Variants in DTD1 observed in about 807,000 individuals in gnomAD.
DTD1 encodes the protein D-aminoacyl-tRNA deacylase 1, also known as D-tyrosyl-tRNA deacylase 1 homolog.
A neutral mutation model predicts 25.6 loss-of-function variants in DTD1; 13 were observed. The ratio of observed to expected loss-of-function variants is 0.51; its 90% CI spans 0.33 to 0.81. DTD1 has a LOEUF of 0.81. Ranked by LOEUF, DTD1 falls within the 30% of genes least tolerant of loss-of-function variation. The pLI is 0.02. For synonymous variants in DTD1, 110 were observed against 103.6 expected, an observed-to-expected ratio of 1.06 and a Z score of -0.37; for missense variants, 193 against 266.4, an observed-to-expected ratio of 0.72 and a Z score of 1.92.
intron 1 of DTD1, among the ~76,000 whole-genome samples, chr20:18,591,605 A>T (rs1012084926): frequency 6.6e-6 from 1 of 152,208 alleles, no homozygotes; most frequent in Admixed American, 6.5e-5. Context: ...TTAAAATATT[A>T]AAGTACTTAC....
At chr20:18,702,744 CAAAAA>C (rs10583250) in intron 4 of DTD1, among the ~76,000 whole-genome samples, 25 of 123,098 alleles carry the variant, frequency 2.0e-4, no homozygotes, top group East Asian at 5.1e-4. Context: ...TGGAATGAGG[CAAAAA>C]AAAAAAAAAA....
chr20:18,596,380 C>CAGCAA, intron 3 of DTD1, 139 bp downstream of exon 3: 1 of 688,892 alleles, frequency 1.5e-6, no homozygotes, highest in Non-Finnish European at 2.4e-6. Context: ...CACATACTAG[C>CAGCAA]TGCTGCTATT....
At chr20:18,649,355 T>TC (rs2060864674) in intron 4 of DTD1, among the ~76,000 whole-genome samples, 1 of 134,656 alleles carries the variant, frequency 7.4e-6, no homozygotes, top group African/African-American at 2.8e-5. Flanking sequence ...TTTTTTTTTT[T>TC]TGAGATGGAG....
chr20:18,639,182 G>GAAAA (rs56353252), intron 4 of DTD1, among the ~76,000 whole-genome samples: 1,292 of 118,182 alleles, frequency 0.011, 21 homozygotes, highest in African/African-American at 0.039. Flanking sequence ...TTTTTTTTAA[G>GAAAA]AAAAAAAAAA....
At chr20:18,593,613 T>C (rs766914378) in intron 1 of DTD1, 118 bp from the exon 2 acceptor site, 6 of 713,732 alleles carry the variant, frequency 8.4e-6, no homozygotes, top group Non-Finnish European at 1.5e-5. Flanking sequence ...GTACTGACTT[T>C]AACCAAAGAA....
intron 4 of DTD1, among the ~76,000 whole-genome samples, chr20:18,697,134 TG>T (rs1260222565): frequency 1.3e-5 from 2 of 150,714 alleles, no homozygotes; most frequent in Non-Finnish European, 3.0e-5. Context: ...CGGGAGGCTG[TG>T]GCAGGAGAAT....
At chr20:18,713,790 G>A (rs1258038098) in intron 4 of DTD1, among the ~76,000 whole-genome samples, 1 of 152,216 alleles carries the variant, frequency 6.6e-6, no homozygotes, top group Non-Finnish European at 1.5e-5. Context: ...ACCATTCAGT[G>A]TCTTCGGCAG....
At chr20:18,699,596 G>T (rs2061094728) in intron 4 of DTD1, among the ~76,000 whole-genome samples, 1 of 152,180 alleles carries the variant, frequency 6.6e-6, no homozygotes. Context: ...TGTGGGGATG[G>T]CTATAAAGTG....
chr20:18,731,806 A>G (rs192225455), intron 4 of DTD1, among the ~76,000 whole-genome samples: 1 of 152,282 alleles, frequency 6.6e-6, no homozygotes, highest in East Asian at 1.9e-4. Context: ...GTTATATCCT[A>G]TAATCTTTGT....
intron 4 of DTD1, among the ~76,000 whole-genome samples, chr20:18,638,309 A>G (rs2060816115): frequency 6.6e-6 from 1 of 152,098 alleles, no homozygotes; most frequent in African/African-American, 2.4e-5. Context: ...CCCTGCATGT[A>G]GGTCCAGCAC....
intron 4 of DTD1, among the ~76,000 whole-genome samples, chr20:18,668,403 G>A (rs2060939759): frequency 6.6e-6 from 1 of 152,196 alleles, no homozygotes; most frequent in South Asian, 2.1e-4. Context: ...AAAGGAGCAG[G>A]CAGTTATGTT....
At chr20:18,699,240 G>C (rs555204112) in intron 4 of DTD1, among the ~76,000 whole-genome samples, 48 of 152,304 alleles carry the variant, frequency 3.2e-4, no homozygotes, top group Non-Finnish European at 5.6e-4. Flanking sequence ...GCAGAATGAA[G>C]CCTCCAACCC....
intron 3 of DTD1, among the ~76,000 whole-genome samples, chr20:18,607,749 G>C (rs2060666879): frequency 6.7e-6 from 1 of 150,088 alleles, no homozygotes; most frequent in Non-Finnish European, 1.5e-5. Context: ...AGTCTCGCTT[G>C]GTCACTCAGG....
intron 4 of DTD1, among the ~76,000 whole-genome samples, chr20:18,678,598 T>C (rs2060984994): frequency 6.6e-6 from 1 of 152,238 alleles, no homozygotes; most frequent in Non-Finnish European, 1.5e-5. Flanking sequence ...AATACACTTT[T>C]AGGATTATAA....
At chr20:18,635,700 A>G (rs908881240) in intron 4 of DTD1, among the ~76,000 whole-genome samples, 2 of 152,148 alleles carry the variant, frequency 1.3e-5, no homozygotes, top group Non-Finnish European at 1.5e-5. Context: ...GCTGTAAGGG[A>G]TCACTTTTAT....
intron 4 of DTD1, among the ~76,000 whole-genome samples, chr20:18,650,681 A>G (rs1460307898): frequency 5.3e-5 from 8 of 152,212 alleles, no homozygotes; most frequent in Non-Finnish European, 1.0e-4. Context: ...TCTTAGACCA[A>G]TTATGGGAAA....
At chr20:18,661,389 T>TTTG (rs1274230134) in intron 4 of DTD1, among the ~76,000 whole-genome samples, 3 of 131,110 alleles carry the variant, frequency 2.3e-5, no homozygotes, top group Non-Finnish European at 3.4e-5. Flanking sequence ...TTTTTTTTTT[T>TTTG]GGGACAGAGT....
chr20:18,653,729 T>C (rs746337842), intron 4 of DTD1, among the ~76,000 whole-genome samples: 1 of 152,264 alleles, frequency 6.6e-6, no homozygotes, highest in Non-Finnish European at 1.5e-5. Context: ...GTTAGAAAGC[T>C]GTTGTTTTGG....
At chr20:18,748,823 A>G (rs1291620912) in intron 5 of DTD1, among the ~76,000 whole-genome samples, 1 of 152,226 alleles carries the variant, frequency 6.6e-6, no homozygotes, top group African/African-American at 2.4e-5. Context: ...ATTAGGTAGC[A>G]TAGAACTTGG....
Sources: allele counts gnomAD v4.1 joint callset (sites outside exome capture counted in the v4.1 genomes callset), GRCh38; gene constraint gnomAD v4.1.1; transcripts MANE v1.5; gene names NCBI Gene and HGNC (gene_info 2026-07-23, HGNC 2026-07-21).